CYB5B: variants seen among roughly 807,000 people sequenced by gnomAD.
CYB5B encodes cytochrome b5 type B (outer mitochondrial membrane).
A neutral mutation model predicts 21.3 loss-of-function variants in CYB5B; 14 were observed. That is an observed-to-expected ratio of 0.66 (90% CI 0.43 to 1.03). The LOEUF is 1.03. CYB5B is among the 50% of genes least tolerant of loss of function. CYB5B has a pLI of 0.00. For missense variants in CYB5B, 166 were observed against 185.1 expected (o/e 0.90, Z 0.60); for synonymous variants, 69 against 68.4 (o/e 1.01, Z -0.04).
At chr16:69,427,928 G>A (rs976916939) in intron 1 of CYB5B, among the ~76,000 whole-genome samples, 4 of 151,590 alleles carry the variant, frequency 2.6e-5, no homozygotes, top group South Asian at 2.1e-4. Flanking sequence ...CCCGGGAGGT[G>A]GAGGTTGCAG....
chr16:69,443,840 G>A (rs1446837006), intron 1 of CYB5B: 2 of 154,414 alleles, frequency 1.3e-5, no homozygotes, highest in African/African-American at 2.4e-5. Flanking sequence ...GGGCAACAGA[G>A]TGAGACTCCG....
At chr16:69,450,941 A>T (rs191367153) in intron 3 of CYB5B, among the ~76,000 whole-genome samples, 36 of 152,332 alleles carry the variant, frequency 2.4e-4, no homozygotes, top group Admixed American at 1.3e-3. Flanking sequence ...GTCAGTAACC[A>T]TTCCCTAATT....
At chr16:69,434,366 C>G (rs901453768) in intron 1 of CYB5B, among the ~76,000 whole-genome samples, 1 of 152,126 alleles carries the variant, frequency 6.6e-6, no homozygotes, top group Non-Finnish European at 1.5e-5. Context: ...TGATTTTATT[C>G]CTCCTGGGCA....
At chr16:69,458,688 G>A (rs2015004296) in intron 3 of CYB5B, among the ~76,000 whole-genome samples, 1 of 152,136 alleles carries the variant, frequency 6.6e-6, no homozygotes, top group African/African-American at 2.4e-5. Context: ...TGTTAGAAGA[G>A]CTTTTTGGAC....
intron 3 of CYB5B, among the ~76,000 whole-genome samples, chr16:69,458,641 A>G (rs140394321): frequency 1.6e-4 from 25 of 152,148 alleles, no homozygotes; most frequent in African/African-American, 5.3e-4. Context: ...ACAAGCAATC[A>G]TCTGTATGAT....
At chr16:69,454,901 G>A (rs553884581) in intron 3 of CYB5B, among the ~76,000 whole-genome samples, 86 of 151,968 alleles carry the variant, frequency 5.7e-4, no homozygotes, top group Non-Finnish European at 9.1e-4. Context: ...GTTTTGTTTT[G>A]TTTTGTTTTT....
intron 2 of CYB5B, among the ~76,000 whole-genome samples, 162 bp downstream of exon 2, chr16:69,447,440 G>A (rs1299666813): frequency 6.6e-6 from 1 of 151,990 alleles, no homozygotes; most frequent in Non-Finnish European, 1.5e-5. Flanking sequence ...TCAGGAGTTC[G>A]AGACCAGCCT....
At chr16:69,442,463 C>T (rs780277866) in intron 1 of CYB5B, among the ~76,000 whole-genome samples, 1 of 152,056 alleles carries the variant, frequency 6.6e-6, no homozygotes, top group African/African-American at 2.4e-5. Flanking sequence ...AAGAATGATC[C>T]TTGCTGCATG....
chr16:69,427,732 A>C (rs1192982440), intron 1 of CYB5B, among the ~76,000 whole-genome samples: 1 of 151,736 alleles, frequency 6.6e-6, no homozygotes, highest in African/African-American at 2.4e-5. Flanking sequence ...GTGTGGGCTC[A>C]TACCTGTAAT....
At chr16:69,433,562 T>A (rs1164256893) in intron 1 of CYB5B, among the ~76,000 whole-genome samples, 1 of 152,220 alleles carries the variant, frequency 6.6e-6, no homozygotes, top group Non-Finnish European at 1.5e-5. Context: ...TGCATAGGAT[T>A]TATTATATGG....
At chr16:69,439,560 C>T (rs936530991) in intron 1 of CYB5B, among the ~76,000 whole-genome samples, 1 of 151,726 alleles carries the variant, frequency 6.6e-6, no homozygotes, top group African/African-American at 2.4e-5. Context: ...ATGATAAAAA[C>T]AGCATGAAAT....
At chr16:69,429,362 TGATTGGTCCATTTTACAGAGTGCC>T (rs985544422) in intron 1 of CYB5B, among the ~76,000 whole-genome samples, 1 of 152,198 alleles carries the variant, frequency 6.6e-6, no homozygotes, top group Non-Finnish European at 1.5e-5. Flanking sequence ...CACATCCTGC[TGATTGGTCCATTTTACAGAGTGCC>T]GATTGGTCCA....
intron 1 of CYB5B, among the ~76,000 whole-genome samples, chr16:69,431,370 C>T (rs2014703742): frequency 6.6e-6 from 1 of 152,092 alleles, no homozygotes; most frequent in African/African-American, 2.4e-5. Context: ...ATTTTATTAA[C>T]CCAACAAATA....
In CYB5B at chr16:69,426,215, C is replaced by T. The variant is rs367868143; in HGVS notation, c.174+1358C>T. ...GAGATCGAGACCGTCCTGGCTAACA[C>T]GGCGAAACCCCATCTCTACTAAAAA... On this transcript the variant is annotated intron_variant, in intron 1 of 4. Coordinates refer to ENST00000307892, the MANE Select transcript of CYB5B (RefSeq NM_030579.3). 1.3e-4 allele frequency among the ~76,000 whole-genome samples: 20 copies of T among 150,124 alleles called. No homozygotes were observed. In the East Asian group the frequency reaches 2.8e-3, roughly 21 times the overall value.
intron 1 of CYB5B, among the ~76,000 whole-genome samples, chr16:69,437,002 G>C (rs78600722): frequency 0.027 from 4,101 of 152,242 alleles, 72 homozygotes; most frequent in East Asian, 0.046. Context: ...TAAAGTAAAT[G>C]AACTTAAGGA....
rs2015081678 is a variant in CYB5B, at chr16:69,465,610, C to A, written c.*3090C>A. 6.6e-6 allele frequency: 1 copy of A among 152,186 alleles called. No homozygotes were observed. The highest frequency in any genetic ancestry group is 1.5e-5 in the Non-Finnish European group (1 of 68,026). The allele number at this position is 152,186 out of a possible 1,614,324, so 9.4% of individuals were successfully genotyped here. ...CACTGTCGAGTTTATACTCATTTAG[C>A]TGCAATGTGGGACAATGAAAAATGC... On this transcript the variant is annotated 3_prime_UTR_variant, in exon 5 of 5. Coordinates refer to ENST00000307892, the MANE Select transcript of CYB5B (RefSeq NM_030579.3).
At chr16:69,438,973 G>GT (rs529155053) in intron 1 of CYB5B, among the ~76,000 whole-genome samples, 177 of 150,592 alleles carry the variant, frequency 1.2e-3, no homozygotes, top group Middle Eastern at 3.4e-3. Context: ...CAATTTATCT[G>GT]TTTTTTTTTG....
In CYB5B at chr16:69,465,581, A is replaced by G. The variant is rs2015081220; in HGVS notation, c.*3061A>G. 6.6e-6 allele frequency: 1 copy of G among 152,268 alleles called. No individual in the cohort carries two copies. The highest frequency in any genetic ancestry group is 1.5e-5 in the Non-Finnish European group (1 of 68,050). The allele number at this position is 152,268 out of a possible 1,614,324, so 9.4% of individuals were successfully genotyped here. ...TCATAAATGCATATGTTGTGAAATC[A>G]GAACACTGTCGAGTTTATACTCATT... On this transcript the variant is annotated 3_prime_UTR_variant, in exon 5 of 5. Coordinates refer to ENST00000307892, the MANE Select transcript of CYB5B (RefSeq NM_030579.3).
At chr16:69,456,644 G>A (rs939084914) in intron 3 of CYB5B, among the ~76,000 whole-genome samples, 1 of 152,142 alleles carries the variant, frequency 6.6e-6, no homozygotes, top group Non-Finnish European at 1.5e-5. Flanking sequence ...TCTGGGCATG[G>A]ACATAACCAG....
Sources: allele counts gnomAD v4.1 joint callset (sites outside exome capture counted in the v4.1 genomes callset), GRCh38; gene constraint gnomAD v4.1.1; transcripts MANE v1.5; gene names NCBI Gene and HGNC (gene_info 2026-07-23, HGNC 2026-07-21).